Variants in BTC observed in about 807,000 individuals in gnomAD.
The protein encoded by BTC is probetacellulin.
Under a neutral mutation model 18.1 loss-of-function variants are expected in BTC, and 13 were observed. That is an observed-to-expected ratio of 0.72 (90% CI 0.47 to 1.14). BTC has a LOEUF of 1.14. Among genes scored for constraint, BTC ranks in the 50% most tolerant of loss-of-function variants. The pLI, the probability that BTC is intolerant of heterozygous loss-of-function variation, is 0.00. For synonymous variants in BTC, 83 were observed against 79.4 expected (o/e 1.05, Z -0.24); for missense variants, 247 against 224.2 (o/e 1.10, Z -0.65).
chr4:74,789,697 A>G (rs1725571048), intron 1 of BTC, among the ~76,000 whole-genome samples: 1 of 152,206 alleles, frequency 6.6e-6, no homozygotes, highest in Non-Finnish European at 1.5e-5. Flanking sequence ...TATTTTTCTT[A>G]TAGAGAAACA....
chr4:74,786,007 T>G (rs921585455), intron 1 of BTC, among the ~76,000 whole-genome samples: 1 of 152,172 alleles, frequency 6.6e-6, no homozygotes, highest in African/African-American at 2.4e-5. Flanking sequence ...AATGAGATAA[T>G]GGGTATTAAA....
At chr4:74,763,808 A>G (rs546580433) in intron 2 of BTC, among the ~76,000 whole-genome samples, 15 of 152,282 alleles carry the variant, frequency 9.9e-5, no homozygotes, top group Admixed American at 8.5e-4. Context: ...ACTATAATTA[A>G]CAATAATTTA....
Position 74,755,988 on chromosome 4 carries a change from G to GA in BTC, c.164-13dup, listed in dbSNP as rs1273197960. 3.1e-6 allele frequency: 5 copies of GA among 1,594,124 alleles called. No homozygotes were observed. The African/African-American group carries it at 6.7e-5, about 21-fold the overall frequency. On this transcript the variant is annotated splice_polypyrimidine_tract_variant and intron_variant, in intron 2 of 5. Transcript: ENST00000395743. ...TTGTGTGGTGGTAGCTGGAAAATGAGAAAAAGTTCAATAAATCAACTCTCT... is the reference window on the plus strand; with the variant it reads ...TTGTGTGGTGGTAGCTGGAAAATGAGAAAAAAGTTCAATAAATCAACTCTCT...
chr4:74,794,160 C>T (rs1193097093), intron 1 of BTC, 102 bp downstream of exon 1: 1 of 1,433,626 alleles, frequency 7.0e-7, no homozygotes, highest in Non-Finnish European at 9.5e-7. Flanking sequence ...AGCCCCAGCG[C>T]GCCCTCTTGT....
chr4:74,794,413 G>A lies in BTC; in HGVS notation c.-88C>T. 1 of 1,333,764 alleles carries A rather than the reference G, an allele frequency of 7.5e-7. No individual in the cohort carries two copies. 82.6% of individuals were successfully genotyped at this position (1,333,764 alleles called of 1,614,324 possible). A position where few individuals can be genotyped will look rare whatever the true frequency, so the allele number is the denominator to read the frequency against. Reference sequence around the variant, plus strand: ...CCGGGCCTCGGGCGCCTGAGAGGGTGCCTGGAAACTAATCCCGGAGGCAGA... The same window carrying A: ...CCGGGCCTCGGGCGCCTGAGAGGGTACCTGGAAACTAATCCCGGAGGCAGA... On this transcript the variant is annotated 5_prime_UTR_variant, in exon 1 of 6. Coordinates refer to ENST00000395743, the MANE Select transcript of BTC (RefSeq NM_001729.4).
chr4:74,782,764 A>G (rs78917713), intron 1 of BTC, among the ~76,000 whole-genome samples: 283 of 152,156 alleles, frequency 1.9e-3, no homozygotes, highest in Middle Eastern at 3.4e-3. Context: ...CAGCATCTGT[A>G]GTTTTTTGAC....
intron 1 of BTC, among the ~76,000 whole-genome samples, chr4:74,788,445 T>C (rs756598379): frequency 6.6e-6 from 1 of 152,224 alleles, no homozygotes; most frequent in African/African-American, 2.4e-5. Flanking sequence ...ACGATGCAAT[T>C]TAAACTTCCT....
intron 1 of BTC, among the ~76,000 whole-genome samples, chr4:74,791,946 A>G (rs998858033): frequency 6.7e-6 from 1 of 148,676 alleles, no homozygotes; most frequent in Non-Finnish European, 1.5e-5. Context: ...CTCAATGCCC[A>G]CTCTCATCGC....
intron 1 of BTC, among the ~76,000 whole-genome samples, chr4:74,770,628 A>C (rs1025001443): frequency 6.6e-6 from 1 of 152,098 alleles, no homozygotes; most frequent in Non-Finnish European, 1.5e-5. Flanking sequence ...TTCTTTAAAA[A>C]TTTTAGGCTC....
In BTC at chr4:74,779,091, T is replaced by C. The variant is rs963013168; in HGVS notation, c.65-8935A>G. Among the ~76,000 whole-genome samples, 6 of 149,162 alleles carry C rather than the reference T, an allele frequency of 4.0e-5. No individual in the cohort carries two copies. In the South Asian group the frequency reaches 1.1e-3, roughly 26 times the overall value. On this transcript the variant is annotated intron_variant, in intron 1 of 5. Coordinates refer to ENST00000395743, the MANE Select transcript of BTC (RefSeq NM_001729.4). Reference sequence around the variant, plus strand: ...TACAAATAGTGTATGTTCATTCAAATTCAGAAAAATAAAATATGAACTCCT... The same window carrying C: ...TACAAATAGTGTATGTTCATTCAAACTCAGAAAAATAAAATATGAACTCCT...
chr4:74,777,142 C>G (rs1470743716), intron 1 of BTC, among the ~76,000 whole-genome samples: 1 of 152,082 alleles, frequency 6.6e-6, no homozygotes, highest in Non-Finnish European at 1.5e-5. Flanking sequence ...TTTTTGAATC[C>G]TAGATCTACC....
intron 2 of BTC, among the ~76,000 whole-genome samples, chr4:74,756,485 G>A (rs1056537305): frequency 3.3e-5 from 5 of 152,062 alleles, no homozygotes; most frequent in African/African-American, 1.2e-4. Context: ...TCCAATTTAC[G>A]GATGCACAAA....
intron 1 of BTC, among the ~76,000 whole-genome samples, chr4:74,779,462 T>C (rs563284531): frequency 6.6e-6 from 1 of 152,192 alleles, no homozygotes; most frequent in African/African-American, 2.4e-5. Context: ...AAAACTTGAC[T>C]TTTTGATTCC....
At position 74,747,389 on chromosome 4, in the gene BTC, C is replaced by T. The variant is rs181216176; in HGVS notation, c.*1+651G>A. Among the ~76,000 whole-genome samples, 1,315 of 152,234 alleles carry T rather than the reference C, an allele frequency of 8.6e-3. 5 individuals carry two copies. Among genetic ancestry groups the T allele is most frequent in the Non-Finnish European group, 0.015 (996 of 68,014 alleles). On this transcript the variant is annotated intron_variant, in intron 5 of 5. Transcript: ENST00000395743. ...TCTTCCCCTATTTCCTCCCTCTGTC[C>T]TTGTTTATATCTGACAGTGGCTACT...
chr4:74,748,166 T>C lies in BTC; in HGVS notation c.429-17A>G, dbSNP rs1724341831. The C allele has an allele frequency of 6.7e-7, 1 of 1,486,906 alleles. No homozygotes were observed. 92.1% of individuals were successfully genotyped at this position (1,486,906 alleles called of 1,614,324 possible). ...CGAAGAGGGCTTGGAAAATACGTGTTAGAAGTTAGTATGGGCCTAGTAGTT... is the reference window on the plus strand; with the variant it reads ...CGAAGAGGGCTTGGAAAATACGTGTCAGAAGTTAGTATGGGCCTAGTAGTT... On this transcript the variant is annotated splice_polypyrimidine_tract_variant and intron_variant, in intron 4 of 5. Coordinates refer to ENST00000395743, the MANE Select transcript of BTC (RefSeq NM_001729.4).
chr4:74,788,900 G>C (rs1211704369), intron 1 of BTC, among the ~76,000 whole-genome samples: 1 of 152,208 alleles, frequency 6.6e-6, no homozygotes, highest in Non-Finnish European at 1.5e-5. Context: ...AGACATTAAA[G>C]ATAGGATACT....
chr4:74,747,343 G>A (rs1724318970), intron 5 of BTC, among the ~76,000 whole-genome samples: 1 of 152,110 alleles, frequency 6.6e-6, no homozygotes, highest in African/African-American at 2.4e-5. Context: ...GAAGGCGAAA[G>A]GAGAGAAAGT....
chr4:74,792,485 C>A (rs1005796500), intron 1 of BTC, among the ~76,000 whole-genome samples: 1 of 152,156 alleles, frequency 6.6e-6, no homozygotes, highest in Non-Finnish European at 1.5e-5. Flanking sequence ...CAGGCGCCCC[C>A]CCTTCCTATA....
intron 1 of BTC, 101 bp downstream of exon 1, chr4:74,794,161 G>A: frequency 1.4e-6 from 2 of 1,433,878 alleles, no homozygotes; most frequent in Admixed American, 2.0e-5. Flanking sequence ...GCCCCAGCGC[G>A]CCCTCTTGTC....
Sources: gnomAD v4.1 joint callset for allele counts (sites outside exome capture counted in the v4.1 genomes callset) on GRCh38, gnomAD v4.1.1 for gene constraint, MANE v1.5 for transcripts, NCBI Gene and HGNC (gene_info 2026-07-23, HGNC 2026-07-21) for gene names.